CSMD1: variants seen among roughly 807,000 people sequenced by gnomAD.
The protein encoded by CSMD1 is CUB and sushi domain-containing protein 1.
A neutral mutation model predicts 417.5 loss-of-function variants in CSMD1; 213 were observed. That is an observed-to-expected ratio of 0.51 (90% confidence interval 0.46 to 0.57). CSMD1 has a LOEUF of 0.57. CSMD1 is among the 20% of genes least tolerant of loss of function. The pLI is 0.00. For missense variants in CSMD1, 6,923 were observed against 4,529.7 expected, an observed-to-expected ratio of 1.53 and a Z score of -15.17; for synonymous variants, 2,862 against 1,736.8, an observed-to-expected ratio of 1.65 and a Z score of -16.11.
intron 12 of CSMD1, among the ~76,000 whole-genome samples, chr8:3,464,982 C>T (rs1446613617): frequency 6.6e-6 from 1 of 152,116 alleles, no homozygotes; most frequent in Non-Finnish European, 1.5e-5. Flanking sequence ...CTCTCTCGTT[C>T]TGTGTATAAT....
intron 3 of CSMD1, among the ~76,000 whole-genome samples, chr8:4,081,937 A>G (rs573626827): frequency 6.6e-6 from 1 of 152,304 alleles, no homozygotes; most frequent in East Asian, 1.9e-4. Flanking sequence ...TACTTATATT[A>G]CACTCGAAAA....
intron 10 of CSMD1, among the ~76,000 whole-genome samples, chr8:3,500,116 C>G (rs1332558241): frequency 1.3e-5 from 2 of 152,086 alleles, no homozygotes; most frequent in Non-Finnish European, 2.9e-5. Flanking sequence ...CTGAACGGAT[C>G]CTACCTGCGC....
chr8:4,389,180 C>G lies in CSMD1; in HGVS notation c.415+30773G>C, dbSNP rs116662149. Among the ~76,000 whole-genome samples, 548 of 152,302 alleles carry G rather than the reference C, an allele frequency of 3.6e-3. 3 individuals carry two copies. The highest frequency in any genetic ancestry group is 0.012 in the African/African-American group (514 of 41,562). ...AATTTAAAACACAAAATAACATCAA[C>G]TGGCCTGTTACTTTTTCTGGAGGGA... On this transcript the variant is annotated intron_variant, in intron 3 of 69. Transcript: ENST00000635120.
intron 7 of CSMD1, among the ~76,000 whole-genome samples, chr8:3,674,220 C>G (rs1162770166): frequency 6.6e-6 from 1 of 152,156 alleles, no homozygotes; most frequent in African/African-American, 2.4e-5. Flanking sequence ...TTATCAAAAG[C>G]AGATTGTATT....
At chr8:4,565,090 C>T (rs777008638) in intron 2 of CSMD1, among the ~76,000 whole-genome samples, 23 of 152,188 alleles carry the variant, frequency 1.5e-4, no homozygotes, top group Non-Finnish European at 2.8e-4. Context: ...TCCCTGAGTG[C>T]TTTCTACCCA....
At chr8:3,711,801 G>C (rs900611035) in intron 6 of CSMD1, among the ~76,000 whole-genome samples, 2 of 152,158 alleles carry the variant, frequency 1.3e-5, no homozygotes, top group South Asian at 2.1e-4. Flanking sequence ...TCAGGAGAGA[G>C]GAGATGAATG....
intron 2 of CSMD1, among the ~76,000 whole-genome samples, chr8:4,588,101 G>A (rs1459163217): frequency 6.6e-6 from 1 of 152,092 alleles, no homozygotes; most frequent in African/African-American, 2.4e-5. Context: ...AATGCCTCTG[G>A]CTTCCCTCTA....
At chr8:4,498,041 G>A (rs1802064126) in intron 2 of CSMD1, among the ~76,000 whole-genome samples, 1 of 152,062 alleles carries the variant, frequency 6.6e-6, no homozygotes, top group African/African-American at 2.4e-5. Flanking sequence ...GTCATCTGCT[G>A]GAAGTGTCCT....
chr8:4,362,743 G>C (rs969868060), intron 3 of CSMD1, among the ~76,000 whole-genome samples: 7 of 152,122 alleles, frequency 4.6e-5, no homozygotes, highest in African/African-American at 1.7e-4. Flanking sequence ...TGTGTAATCA[G>C]TTTTTACTTA....
At chr8:3,997,219 T>C (rs1225731248) in intron 5 of CSMD1, among the ~76,000 whole-genome samples, 1 of 152,236 alleles carries the variant, frequency 6.6e-6, no homozygotes, top group Non-Finnish European at 1.5e-5. Context: ...ACATCTATGC[T>C]ATGTTTTTAA....
chr8:4,932,878 A>G (rs531602776), intron 1 of CSMD1, among the ~76,000 whole-genome samples: 5 of 152,350 alleles, frequency 3.3e-5, no homozygotes, highest in African/African-American at 1.2e-4. Flanking sequence ...GGAAAATGCA[A>G]TATTAATTTT....
At chr8:3,534,923 C>G (rs73658178) in intron 10 of CSMD1, among the ~76,000 whole-genome samples, 2,432 of 152,176 alleles carry the variant, frequency 0.016, 66 homozygotes, top group African/African-American at 0.056. Context: ...TAAAAGATAG[C>G]CAGGGTTACT....
chr8:4,018,744 C>A (rs540326400), intron 4 of CSMD1, among the ~76,000 whole-genome samples: 1 of 152,284 alleles, frequency 6.6e-6, no homozygotes, highest in Admixed American at 6.5e-5. Context: ...GAACGGACAG[C>A]ATGTGACAAG....
chr8:4,863,085 T>A (rs1430239543), intron 1 of CSMD1, among the ~76,000 whole-genome samples: 2 of 152,060 alleles, frequency 1.3e-5, no homozygotes, highest in African/African-American at 4.8e-5. Flanking sequence ...ACTGTTATAG[T>A]AGCCGGAAAG....
At chr8:2,944,215 C>T (rs186695996) in intron 68 of CSMD1, among the ~76,000 whole-genome samples, 136 of 152,290 alleles carry the variant, frequency 8.9e-4, no homozygotes, top group African/African-American at 3.2e-3. Flanking sequence ...CGAGTGAAGC[C>T]AATTGGGTGT....
At position 2,936,403 on chromosome 8, in the gene CSMD1, A is replaced by G. The variant is rs1197503700; in HGVS notation, c.*2182T>C. ...TATATATATATGTATGTATATATAT[A>G]CACTAATATGTATAGTAACCCTGTT... On this transcript the variant is annotated 3_prime_UTR_variant, in exon 70 of 70. Coordinates refer to ENST00000635120, the MANE Select transcript of CSMD1 (RefSeq NM_033225.6). 6.6e-6 allele frequency: 1 copy of G among 151,476 alleles called. No homozygotes were observed. Among genetic ancestry groups the G allele is most frequent in the Non-Finnish European group, 1.5e-5 (1 of 67,936 alleles). The allele number at this position is 151,476 out of a possible 1,614,324, so 9.4% of individuals were successfully genotyped here.
rs543672127 is a variant in CSMD1 at position 4,694,374 on chromosome 8, C to T, written c.86-56816G>A. 8.6e-5 allele frequency among the ~76,000 whole-genome samples: 13 copies of T among 151,950 alleles called. No individual in the cohort carries two copies. In the South Asian group the frequency reaches 1.0e-3, roughly 12 times the overall value. ...TTTTATTTTTTTTATTTTTTTGAGA[C>T]GGAGTCTCGCTCTGTCGCCCAGGCT... On this transcript the variant is annotated intron_variant, in intron 1 of 69. Coordinates refer to ENST00000635120, the MANE Select transcript of CSMD1 (RefSeq NM_033225.6).
In CSMD1 at chr8:4,158,635, G is replaced by A. The variant is rs114639467; in HGVS notation, c.416-126536C>T. On this transcript the variant is annotated intron_variant, in intron 3 of 69. Transcript: ENST00000635120. ...CAGAAATGATAATTTTCACAGTGGC[G>A]TTGCTGGTGGTAGTGGAAGATCAAC... 7.2e-3 allele frequency among the ~76,000 whole-genome samples: 1,088 copies of A among 152,144 alleles called. 11 individuals carry two copies. The highest frequency in any genetic ancestry group is 0.025 in the African/African-American group (1,050 of 41,530).
intron 7 of CSMD1, among the ~76,000 whole-genome samples, chr8:3,669,278 T>G (rs775219022): frequency 6.6e-6 from 1 of 152,210 alleles, no homozygotes; most frequent in South Asian, 2.1e-4. Context: ...CTGTGTTTTC[T>G]CATCTGTCAT....
Sources: gnomAD v4.1 joint callset for allele counts (sites outside exome capture counted in the v4.1 genomes callset) on GRCh38, gnomAD v4.1.1 for gene constraint, MANE v1.5 for transcripts, NCBI Gene and HGNC (gene_info 2026-07-23, HGNC 2026-07-21) for gene names.